Variants in C2orf74 observed in about 807,000 individuals in gnomAD.
C2orf74 encodes DPM1 ER membrane anchor 1, also known as uncharacterized protein C2orf74.
C2orf74 carries 14 observed loss-of-function variants against 17.9 expected under a neutral mutation model. The ratio of observed to expected loss-of-function variants is 0.78; its 90% confidence interval spans 0.52 to 1.22. The LOEUF (loss-of-function observed/expected upper bound fraction) is 1.22, where lower values mean the gene tolerates loss of function less well. Ranked by LOEUF, C2orf74 falls within the 50% of genes most tolerant of loss-of-function variation. The pLI is 0.00. For missense variants in C2orf74, 217 were observed against 218.4 expected, an observed-to-expected ratio of 0.99 and a Z score of 0.04; for synonymous variants, 79 against 72.6, an observed-to-expected ratio of 1.09 and a Z score of -0.44.
Position 61,151,381 on chromosome 2 carries a change from G to A in C2orf74, c.-122+6185G>A, listed in dbSNP as rs1336704117. On this transcript the variant is annotated intron_variant, in intron 1 of 3. Coordinates refer to the C2orf74 transcript ENST00000426997. ...AGAAAATCAAAATATATAAATACAGGCTATACTAGATACCTATTGCTGCAT... is the reference window on the plus strand; with the variant it reads ...AGAAAATCAAAATATATAAATACAGACTATACTAGATACCTATTGCTGCAT... 3 of 146,424 alleles carry A rather than the reference G, an allele frequency of 2.0e-5. No homozygotes were observed. In the East Asian group the frequency reaches 5.9e-4, roughly 29 times the overall value. The allele number at this position is 146,424 out of a possible 1,614,324, so 9.1% of individuals were successfully genotyped here. A position where few individuals can be genotyped will look rare whatever the true frequency, so the allele number is the denominator to read the frequency against.
upstream of C2orf74, among the ~76,000 whole-genome samples, chr2:61,160,479 A>T (rs1168762611): frequency 1.3e-5 from 2 of 150,290 alleles, no homozygotes; most frequent in African/African-American, 4.9e-5. Context: ...ATTCCTTTTA[A>T]AGCTGAATAG....
intron 1 of C2orf74, among the ~76,000 whole-genome samples, chr2:61,146,960 G>T (rs1373530451): frequency 6.6e-6 from 1 of 152,102 alleles, no homozygotes; most frequent in Non-Finnish European, 1.5e-5. Context: ...AGACCAACCT[G>T]GGCAGCATGG....
intron 4 of C2orf74, among the ~76,000 whole-genome samples, chr2:61,163,623 AAATAAT>A (rs575931633): frequency 6.6e-6 from 1 of 151,272 alleles, no homozygotes; most frequent in East Asian, 1.9e-4. Flanking sequence ...TAATAATAAT[AAATAAT>A]AATAATAATA....
chr2:61,161,576 A>T (rs1382006312), upstream of C2orf74: 1 of 152,244 alleles, frequency 6.6e-6, no homozygotes, highest in Admixed American at 6.5e-5. Context: ...TTCCAGGAAT[A>T]AGTCCCACTT....
chr2:61,152,385 CA>C (rs1231005664), intron 1 of C2orf74, among the ~76,000 whole-genome samples: 1 of 150,646 alleles, frequency 6.6e-6, no homozygotes, highest in African/African-American at 2.4e-5. Flanking sequence ...ACTAAAAATA[CA>C]AAAAATTAGC....
At chr2:61,163,323 T>G (rs1156496816) in intron 4 of C2orf74, 91 bp downstream of exon 4, 2 of 1,372,988 alleles carry the variant, frequency 1.5e-6, no homozygotes, top group African/African-American at 2.9e-5. Context: ...TAATAGGAGA[T>G]GGAGGACCGG....
intron 1 of C2orf74, among the ~76,000 whole-genome samples, chr2:61,156,673 CAG>C (rs1294133307): frequency 1.3e-5 from 2 of 152,206 alleles, no homozygotes; most frequent in African/African-American, 2.4e-5. Context: ...CGCTTGAGCT[CAG>C]GGGTTTGAGA....
At chr2:61,160,304 G>A (rs1051401752), upstream of C2orf74, among the ~76,000 whole-genome samples, 1 of 152,086 alleles carries the variant, frequency 6.6e-6, no homozygotes, top group African/African-American at 2.4e-5. Context: ...GGGATTACGG[G>A]CACCTGCCCC....
upstream of C2orf74, among the ~76,000 whole-genome samples, chr2:61,161,029 C>G (rs1177304): frequency 0.28 from 43,001 of 152,054 alleles, 6,687 homozygotes; most frequent in Middle Eastern, 0.41. Flanking sequence ...TTCCCACCAA[C>G]AGTGCACAAG....
intron 1 of C2orf74, among the ~76,000 whole-genome samples, chr2:61,153,009 G>C (rs1429877258): frequency 6.6e-6 from 1 of 151,230 alleles, no homozygotes; most frequent in African/African-American, 2.4e-5. Flanking sequence ...AAAATTAGCC[G>C]GGCGTTGTAG....
chr2:61,163,729 G>A (rs940389200), intron 4 of C2orf74, among the ~76,000 whole-genome samples: 5 of 152,008 alleles, frequency 3.3e-5, no homozygotes, highest in Non-Finnish European at 7.4e-5. Flanking sequence ...TTATCAGTTC[G>A]TGTTACTAAA....
intron 1 of C2orf74, among the ~76,000 whole-genome samples, chr2:61,146,607 G>A (rs1385209059): frequency 9.9e-5 from 15 of 152,148 alleles, no homozygotes; most frequent in Admixed American, 7.9e-4. Flanking sequence ...AGGCCGAGAC[G>A]GGCAGATCAC....
At chr2:61,150,461 T>G (rs1241797951) in intron 1 of C2orf74, among the ~76,000 whole-genome samples, 1 of 152,146 alleles carries the variant, frequency 6.6e-6, no homozygotes, top group Non-Finnish European at 1.5e-5. Flanking sequence ...ACTAACAGGA[T>G]CATCCTGCGA....
Position 61,148,942 on chromosome 2 carries a change from G to A in C2orf74, c.-122+3746G>A, listed in dbSNP as rs139409070. Among the ~76,000 whole-genome samples the A allele has an allele frequency of 3.1e-3, 473 of 152,218 alleles. 1 individual carries two copies. Among genetic ancestry groups the A allele is most frequent in the African/African-American group, 0.011 (441 of 41,520 alleles). The stretch of plus-strand genomic sequence containing the variant: ...TAATAGGGAGGCTATGCCTGTGTCG[G>A]GGCAGGAGGTCTATGGGAAAACTCT... On this transcript the variant is annotated intron_variant, in intron 1 of 3. Coordinates refer to the C2orf74 transcript ENST00000426997.
chr2:61,155,612 CT>C (rs1017747913), intron 1 of C2orf74, among the ~76,000 whole-genome samples: 9 of 152,054 alleles, frequency 5.9e-5, no homozygotes, highest in African/African-American at 2.2e-4. Flanking sequence ...GCTCCACCTC[CT>C]GCGTTCACTC....
chr2:61,154,356 G>A (rs1489067638), intron 1 of C2orf74, among the ~76,000 whole-genome samples: 2 of 152,136 alleles, frequency 1.3e-5, no homozygotes, highest in East Asian at 3.8e-4. Context: ...GGGAAAGTTT[G>A]AGAAATTGTC....
In C2orf74 at chr2:61,145,578, C is replaced by A. The variant is rs533507975; in HGVS notation, c.-122+382C>A. ...AGCTGGAATTACAGGCAGGTGCCACCACGCCAGGCTAATTTTTATATTTTT... is the reference window on the plus strand; with the variant it reads ...AGCTGGAATTACAGGCAGGTGCCACAACGCCAGGCTAATTTTTATATTTTT... On this transcript the variant is annotated intron_variant, in intron 1 of 3. Coordinates refer to the C2orf74 transcript ENST00000426997. 4.6e-5 allele frequency among the ~76,000 whole-genome samples: 7 copies of A among 152,146 alleles called. No individual in the cohort carries two copies. In the South Asian group the frequency reaches 1.2e-3, roughly 27 times the overall value.
chr2:61,162,752 G>T, intron 2 of C2orf74, 90 bp from the exon 3 acceptor site: 1 of 1,155,702 alleles, frequency 8.7e-7, no homozygotes, highest in South Asian at 1.3e-5. Flanking sequence ...TAGAAATGCT[G>T]ATATCCTGTT....
At chr2:61,159,295 CTTT>C, upstream of C2orf74, 2 of 341,964 alleles carry the variant, frequency 5.8e-6, no homozygotes, top group South Asian at 4.6e-5. Context: ...CACACCCAGC[CTTT>C]TTTTTTTTCT....
Sources: gnomAD v4.1 joint callset for allele counts (sites outside exome capture counted in the v4.1 genomes callset) on GRCh38, gnomAD v4.1.1 for gene constraint, MANE v1.5 for transcripts, NCBI Gene and HGNC (gene_info 2026-07-23, HGNC 2026-07-21) for gene names.